The following GRHL2 variants were observed in gnomAD, a reference collection of about 807,000 sequenced individuals.
GRHL2 encodes the protein grainyhead like transcription factor 2.
Under a neutral mutation model 83.8 loss-of-function variants are expected in GRHL2, and 21 were observed. That is an observed-to-expected ratio of 0.25 (90% CI 0.18 to 0.36). The LOEUF is 0.36. GRHL2 is among the 10% of genes least tolerant of loss of function. The pLI is 1.00. For synonymous variants in GRHL2, 280 were observed against 278.9 expected, an observed-to-expected ratio of 1.00 and a Z score of -0.04; for missense variants, 623 against 781.8, an observed-to-expected ratio of 0.80 and a Z score of 2.42.
intron 1 of GRHL2, among the ~76,000 whole-genome samples, chr8:101,514,149 A>G (rs1810521797): frequency 6.6e-6 from 1 of 152,030 alleles, no homozygotes; most frequent in Non-Finnish European, 1.5e-5. Context: ...ATACACATAC[A>G]TTTACATGCT....
intron 9 of GRHL2, among the ~76,000 whole-genome samples, chr8:101,629,519 T>C (rs1813144146): frequency 6.6e-6 from 1 of 152,096 alleles, no homozygotes; most frequent in South Asian, 2.1e-4. Context: ...TGTATATAAA[T>C]CTTGAAACAG....
intron 9 of GRHL2, among the ~76,000 whole-genome samples, chr8:101,626,569 T>G (rs1196909623): frequency 6.6e-6 from 1 of 152,046 alleles, no homozygotes; most frequent in Admixed American, 6.6e-5. Context: ...GAGGAGCAAC[T>G]TAAGTGTTAA....
At chr8:101,500,520 T>A (rs992467417) in intron 1 of GRHL2, among the ~76,000 whole-genome samples, 2 of 152,164 alleles carry the variant, frequency 1.3e-5, no homozygotes, top group Admixed American at 6.5e-5. Context: ...ATATATATAT[T>A]TTTTTGAGTT....
At chr8:101,656,671 G>C (rs1432452455) in intron 14 of GRHL2, among the ~76,000 whole-genome samples, 1 of 152,220 alleles carries the variant, frequency 6.6e-6, no homozygotes, top group Admixed American at 6.5e-5. Flanking sequence ...CTACACTCCA[G>C]TGTCATCACT....
At chr8:101,605,232 G>A (rs1357716450) in intron 8 of GRHL2, among the ~76,000 whole-genome samples, 3 of 152,164 alleles carry the variant, frequency 2.0e-5, no homozygotes, top group East Asian at 1.9e-4. Flanking sequence ...GGAGCAAAGA[G>A]CCTAAGAGAC....
At chr8:101,636,365 C>A (rs977900496) in intron 11 of GRHL2, among the ~76,000 whole-genome samples, 4 of 152,126 alleles carry the variant, frequency 2.6e-5, no homozygotes, top group African/African-American at 9.7e-5. Flanking sequence ...TGCGGGATGC[C>A]AGGATACCCC....
intron 5 of GRHL2, among the ~76,000 whole-genome samples, chr8:101,571,086 G>A (rs1811811446): frequency 6.6e-6 from 1 of 152,204 alleles, no homozygotes; most frequent in East Asian, 1.9e-4. Context: ...TTTTGGAGGA[G>A]ACAAATGTGA....
intron 11 of GRHL2, among the ~76,000 whole-genome samples, chr8:101,634,043 C>T (rs539935209): frequency 1.8e-4 from 28 of 152,154 alleles, no homozygotes; most frequent in Non-Finnish European, 2.4e-4. Flanking sequence ...GTCATAAGCC[C>T]GGCTGTCAGC....
chr8:101,602,877 T>C (rs1174035722), intron 8 of GRHL2, among the ~76,000 whole-genome samples: 1 of 152,234 alleles, frequency 6.6e-6, no homozygotes, highest in African/African-American at 2.4e-5. Flanking sequence ...TCAGTCTTTC[T>C]GCCCCGGAGC....
At chr8:101,520,085 A>G (rs978382343) in intron 1 of GRHL2, among the ~76,000 whole-genome samples, 4 of 152,204 alleles carry the variant, frequency 2.6e-5, no homozygotes, top group African/African-American at 9.7e-5. Context: ...CTTTTCTAGA[A>G]GGGACATCTT....
At chr8:101,641,552 C>T (rs1813401050) in intron 12 of GRHL2, among the ~76,000 whole-genome samples, 1 of 152,112 alleles carries the variant, frequency 6.6e-6, no homozygotes, top group South Asian at 2.1e-4. Flanking sequence ...AGACCTGACA[C>T]CTTCCCACTG....
downstream of GRHL2, among the ~76,000 whole-genome samples, chr8:101,671,499 T>A (rs1563638545): frequency 6.6e-6 from 1 of 152,016 alleles, no homozygotes; most frequent in Non-Finnish European, 1.5e-5. Context: ...GCACCTGCAA[T>A]TGCCCAGGCT....
intron 1 of GRHL2, among the ~76,000 whole-genome samples, chr8:101,535,878 C>T (rs1811036511): frequency 6.6e-6 from 1 of 152,096 alleles, no homozygotes; most frequent in Admixed American, 6.5e-5. Context: ...GTCATCTTTG[C>T]ATGATACAAA....
chr8:101,636,827 T>G lies in GRHL2; in HGVS notation c.1486-70T>G, dbSNP rs1256640010. ...AGACAGTTTATGCCTTAGGAAAGTC[T>G]GTACATCACGTAATATTTTTTCCAT... On this transcript the variant is annotated intron_variant, in intron 11 of 15. Coordinates refer to ENST00000646743, the MANE Select transcript of GRHL2 (RefSeq NM_024915.4). 10 of 1,378,168 alleles carry G rather than the reference T, an allele frequency of 7.3e-6. No homozygotes were observed. The South Asian group carries it at 1.0e-4, about 14-fold the overall frequency. 85.4% of individuals were successfully genotyped at this position (1,378,168 alleles called of 1,614,324 possible).
At chr8:101,593,104 G>A (rs535081569) in intron 7 of GRHL2, among the ~76,000 whole-genome samples, 3 of 152,144 alleles carry the variant, frequency 2.0e-5, no homozygotes, top group Non-Finnish European at 2.9e-5. Flanking sequence ...TTGCCACCAC[G>A]CCTGGCTAAT....
At chr8:101,583,472 G>A (rs1812097888) in intron 7 of GRHL2, among the ~76,000 whole-genome samples, 1 of 152,192 alleles carries the variant, frequency 6.6e-6, no homozygotes, top group African/African-American at 2.4e-5. Flanking sequence ...CCTCCCCAGA[G>A]GCAGGTGAGA....
At chr8:101,573,040 A>G (rs553096775) in intron 5 of GRHL2, among the ~76,000 whole-genome samples, 10 of 152,368 alleles carry the variant, frequency 6.6e-5, no homozygotes, top group African/African-American at 1.4e-4. Flanking sequence ...GATTTGGCCT[A>G]TGGGCCATCA....
At chr8:101,673,069 G>A (rs1341241797), downstream of GRHL2, among the ~76,000 whole-genome samples, 3 of 150,474 alleles carry the variant, frequency 2.0e-5, no homozygotes, top group African/African-American at 2.4e-5. Context: ...AACATGGAAA[G>A]GAACAACCGG....
rs181990886 is a variant in GRHL2, at chr8:101,507,352, A to G, written c.20+14563A>G. On this transcript the variant is annotated intron_variant, in intron 1 of 15. Transcript: ENST00000646743. ...TGGAAAGCTTGAGATTAATCTATGG[A>G]TTTTACTCATTAAATTTTTTTCTTT... Among the ~76,000 whole-genome samples the G allele has an allele frequency of 1.8e-4, 28 of 152,074 alleles. 1 individual carries two copies. The highest frequency in any genetic ancestry group is 6.0e-4 in the African/African-American group (25 of 41,484).
Sources: allele counts gnomAD v4.1 joint callset (sites outside exome capture counted in the v4.1 genomes callset), GRCh38; gene constraint gnomAD v4.1.1; transcripts MANE v1.5; gene names NCBI Gene and HGNC (gene_info 2026-07-23, HGNC 2026-07-21).